Variants in IRAG1 observed in about 807,000 individuals in gnomAD.
IRAG1 encodes the protein IP3R-associated cGMP kinase substrate.
Under a neutral mutation model 106.2 loss-of-function variants are expected in IRAG1, and 62 were observed. That is an observed-to-expected ratio of 0.58 (90% CI 0.48 to 0.72). IRAG1 has a LOEUF of 0.72. Ranked by LOEUF, IRAG1 falls within the 30% of genes least tolerant of loss-of-function variation. IRAG1 has a pLI of 0.00. For missense variants in IRAG1, 1,064 were observed against 1,140.7 expected, an observed-to-expected ratio of 0.93 and a Z score of 0.97; for synonymous variants, 462 against 443.9, an observed-to-expected ratio of 1.04 and a Z score of -0.51.
rs200480858 is a variant in IRAG1, at chr11:10,626,358, C to A, written c.976G>T (p.Val326Leu). 41 of 1,613,610 alleles carry A rather than the reference C, an allele frequency of 2.5e-5. No individual in the cohort carries two copies. The highest frequency in any genetic ancestry group is 3.5e-5 in the Non-Finnish European group (41 of 1,179,788). The change falls in exon 9 of 21, where the codon GTG (valine) becomes TTG (leucine). Residue 326 changes from valine to leucine, a missense_variant. Coordinates refer to ENST00000423302, the MANE Select transcript of IRAG1 (RefSeq NM_130385.4). Reference protein sequence around the residue: ...MALNSPQPGPVESELGKQLLK... With the variant: ...MALNSPQPGPLESELGKQLLK... ...AGCTGCTTCCCCAGCTCGCTCTCCACGGGGCCAGGCTGAGGGCTGTTCAGG... is the reference window on the plus strand; with the variant it reads ...AGCTGCTTCCCCAGCTCGCTCTCCAAGGGGCCAGGCTGAGGGCTGTTCAGG...
intron 1 of IRAG1, among the ~76,000 whole-genome samples, chr11:10,656,071 T>C (rs924366294): frequency 6.6e-6 from 1 of 152,206 alleles, no homozygotes; most frequent in Admixed American, 6.5e-5. Flanking sequence ...GGGTGACATC[T>C]GGGTTCTGCT....
chr11:10,626,672 A>G (rs913489512), intron 8 of IRAG1, 89 bp from the exon 9 acceptor site: 119 of 1,423,056 alleles, frequency 8.4e-5, no homozygotes, highest in Non-Finnish European at 1.0e-4. Context: ...CTCTGCCCCC[A>G]CACACCTTGC....
At chr11:10,687,700 T>G in intron 1 of IRAG1, 1 of 1,288,526 alleles carries the variant, frequency 7.8e-7, no homozygotes, top group South Asian at 1.2e-5. Context: ...TGCGGTGTTT[T>G]TGGAGTTGAG....
intron 18 of IRAG1, among the ~76,000 whole-genome samples, chr11:10,583,280 A>C (rs951876927): frequency 1.3e-5 from 2 of 152,196 alleles, no homozygotes; most frequent in African/African-American, 4.8e-5. Flanking sequence ...CCCAGGACCA[A>C]GTCATGAGGA....
chr11:10,690,334 C>T (rs769889968), intron 1 of IRAG1: 3 of 1,240,760 alleles, frequency 2.4e-6, no homozygotes, highest in South Asian at 1.3e-5. Context: ...GGTTGCACCA[C>T]TGCACTCCAG....
intron 15 of IRAG1, chr11:10,599,764 G>A (rs1277921712): frequency 6.6e-6 from 1 of 152,188 alleles, no homozygotes; most frequent in Non-Finnish European, 1.5e-5. Context: ...CCCTGACAGT[G>A]CCCATGGAGA....
intron 1 of IRAG1, among the ~76,000 whole-genome samples, chr11:10,652,578 T>C (rs921295722): frequency 1.3e-5 from 2 of 152,170 alleles, no homozygotes; most frequent in African/African-American, 4.8e-5. Context: ...TCTGATTGAA[T>C]CCTCAAGATG....
At chr11:10,607,315 C>T (rs1053965483) in intron 11 of IRAG1, among the ~76,000 whole-genome samples, 5 of 152,146 alleles carry the variant, frequency 3.3e-5, no homozygotes, top group African/African-American at 4.8e-5. Flanking sequence ...AAGGTGCATG[C>T]GGGCCAGAGA....
intron 20 of IRAG1, among the ~76,000 whole-genome samples, chr11:10,578,227 C>T (rs1231045510): frequency 6.6e-6 from 1 of 152,180 alleles, no homozygotes; most frequent in Non-Finnish European, 1.5e-5. Context: ...ACTTCTGTTT[C>T]CTGAGAGTTA....
chr11:10,586,875 G>C (rs1445239792), intron 18 of IRAG1, among the ~76,000 whole-genome samples: 2 of 152,194 alleles, frequency 1.3e-5, no homozygotes, highest in African/African-American at 4.8e-5. Flanking sequence ...GTGCCTTTAA[G>C]TGCCTGTCAA....
At chr11:10,670,834 G>A (rs1434002837) in intron 1 of IRAG1, among the ~76,000 whole-genome samples, 2 of 152,312 alleles carry the variant, frequency 1.3e-5, no homozygotes, top group Non-Finnish European at 2.9e-5. Flanking sequence ...AGAGAAGGTG[G>A]CCATCTATAA....
chr11:10,658,129 C>T (rs1859073686), intron 1 of IRAG1, among the ~76,000 whole-genome samples: 1 of 152,222 alleles, frequency 6.6e-6, no homozygotes, highest in African/African-American at 2.4e-5. Flanking sequence ...AGGAGATCTG[C>T]TGAAAGTGCT....
chr11:10,675,270 T>C (rs1860563532), intron 1 of IRAG1, among the ~76,000 whole-genome samples: 2 of 152,154 alleles, frequency 1.3e-5, no homozygotes, highest in South Asian at 4.1e-4. Context: ...CCAGAGTGCC[T>C]TTGTCAGACC....
At chr11:10,609,640 A>G in intron 11 of IRAG1, 88 bp downstream of exon 11, 2 of 1,456,942 alleles carry the variant, frequency 1.4e-6, no homozygotes, top group South Asian at 2.6e-5. Context: ...TTCAAGAATT[A>G]AGACTGGTGT....
intron 1 of IRAG1, among the ~76,000 whole-genome samples, chr11:10,656,427 G>C (rs920952033): frequency 2.0e-5 from 3 of 152,136 alleles, no homozygotes; most frequent in Non-Finnish European, 4.4e-5. Context: ...CCTTGTATCT[G>C]GTGCAAATCT....
rs1853462257 is a variant in IRAG1, at chr11:10,597,519, A to G, written c.2018-3324T>C. Among the ~76,000 whole-genome samples the G allele has an allele frequency of 1.3e-5, 2 of 151,816 alleles. 1 individual carries two copies. The highest frequency in any genetic ancestry group is 4.2e-4 in the South Asian group (2 of 4,802). ...TGCTTTTTATTTTTATTTTTTGTGG[A>G]GATAGGGTCTCACTTTGTTGCCCAG... is the stretch of plus-strand genomic sequence containing the variant. On this transcript the variant is annotated intron_variant, in intron 15 of 20. Coordinates refer to ENST00000423302, the MANE Select transcript of IRAG1 (RefSeq NM_130385.4).
At chr11:10,671,063 A>T (rs1860179588) in intron 1 of IRAG1, among the ~76,000 whole-genome samples, 1 of 152,254 alleles carries the variant, frequency 6.6e-6, no homozygotes, top group Admixed American at 6.5e-5. Context: ...TGAAATAGGG[A>T]TCAATACATT....
rs576002586 is a variant in IRAG1 at position 10,690,154 on chromosome 11, C to T, written c.67+3382G>A. ...GCCTATAATCCCAGACTTTGGGAGG[C>T]TGAGGTGGGCTGATCACTTGAGGTC... On this transcript the variant is annotated intron_variant, in intron 1 of 20. Coordinates refer to ENST00000423302, the MANE Select transcript of IRAG1 (RefSeq NM_130385.4). 1.8e-4 allele frequency: 46 copies of T among 261,530 alleles called. No homozygotes were observed. In the East Asian group the frequency reaches 6.2e-3, roughly 35 times the overall value. 16.2% of individuals were successfully genotyped at this position (261,530 alleles called of 1,614,324 possible).
chr11:10,681,355 G>A (rs1861244280), intron 1 of IRAG1, among the ~76,000 whole-genome samples: 1 of 152,126 alleles, frequency 6.6e-6, no homozygotes, highest in Admixed American at 6.6e-5. Flanking sequence ...AGAATAAATA[G>A]GCATTCCCTT....
Sources: allele counts gnomAD v4.1 joint callset (sites outside exome capture counted in the v4.1 genomes callset), GRCh38; gene constraint gnomAD v4.1.1; transcripts MANE v1.5; gene names NCBI Gene and HGNC (gene_info 2026-07-23, HGNC 2026-07-21).